The following HPSE2 variants were observed in gnomAD, a reference collection of about 807,000 sequenced individuals.
HPSE2 encodes the protein inactive heparanase-2.
Under a neutral mutation model 60.5 loss-of-function variants are expected in HPSE2, and 38 were observed. The observed-to-expected ratio is 0.63, with a 90% CI of 0.48 to 0.82. HPSE2 has a LOEUF of 0.82. HPSE2 is among the 40% of genes least tolerant of loss of function. HPSE2 has a pLI of 0.00. For missense variants in HPSE2, 713 were observed against 740.4 expected (o/e 0.96, Z 0.43); for synonymous variants, 295 against 293.2 (o/e 1.01, Z -0.06).
intron 9 of HPSE2, among the ~76,000 whole-genome samples, chr10:98,588,334 T>C (rs1944994150): frequency 6.6e-6 from 1 of 152,044 alleles, no homozygotes; most frequent in Non-Finnish European, 1.5e-5. Flanking sequence ...CCTACTAATT[T>C]TCAGGCCAGG....
chr10:98,611,229 G>T (rs1416001126), intron 9 of HPSE2, among the ~76,000 whole-genome samples: 1 of 152,086 alleles, frequency 6.6e-6, no homozygotes, highest in African/African-American at 2.4e-5. Flanking sequence ...AAGAACATGG[G>T]GTATATTTGA....
chr10:99,142,026 G>A (rs535976115), intron 3 of HPSE2, among the ~76,000 whole-genome samples: 1 of 152,296 alleles, frequency 6.6e-6, no homozygotes, highest in African/African-American at 2.4e-5. Context: ...ATCTCTTTCT[G>A]AGATTGCAGA....
rs576642783 is a variant in HPSE2 at position 98,693,961 on chromosome 10, A to G, written c.957-14T>C. ...ACCTTCATGAATCTGTAAGGAATAG[A>G]AAGAAAAAAGATATTACAACTTAGA... is the stretch of plus-strand genomic sequence containing the variant. On this transcript the variant is annotated splice_polypyrimidine_tract_variant and intron_variant, in intron 5 of 11. Transcript: ENST00000370552. The G allele has an allele frequency of 4.4e-6, 7 of 1,575,496 alleles. No individual in the cohort carries two copies. In the East Asian group the frequency reaches 1.6e-4, roughly 36 times the overall value.
At chr10:98,778,597 C>T (rs1589812464) in intron 3 of HPSE2, among the ~76,000 whole-genome samples, 1 of 152,064 alleles carries the variant, frequency 6.6e-6, no homozygotes, top group Admixed American at 6.6e-5. Flanking sequence ...TGGAAACTGT[C>T]AAGGGTGACT....
At chr10:99,058,819 T>C (rs1244826791) in intron 3 of HPSE2, among the ~76,000 whole-genome samples, 3 of 152,124 alleles carry the variant, frequency 2.0e-5, no homozygotes, top group Non-Finnish European at 2.9e-5. Flanking sequence ...TAGAGCTTAC[T>C]TGGAAATGGG....
chr10:98,600,938 T>TA (rs1945406009), intron 9 of HPSE2, among the ~76,000 whole-genome samples: 1 of 62,420 alleles, frequency 1.6e-5, no homozygotes, highest in Non-Finnish European at 3.8e-5. Flanking sequence ...TATATATATA[T>TA]ATAGAAAGAG....
At chr10:98,702,074 A>G (rs1355166426) in intron 5 of HPSE2, among the ~76,000 whole-genome samples, 1 of 152,194 alleles carries the variant, frequency 6.6e-6, no homozygotes, top group Non-Finnish European at 1.5e-5. Context: ...TCTCATGTGC[A>G]AAGACACACA....
chr10:98,851,492 C>A (rs1952172602), intron 3 of HPSE2, among the ~76,000 whole-genome samples: 1 of 152,196 alleles, frequency 6.6e-6, no homozygotes, highest in South Asian at 2.1e-4. Flanking sequence ...TAGCCACTTC[C>A]TGGATTCTTC....
At chr10:98,684,071 G>A (rs1445519101) in intron 6 of HPSE2, among the ~76,000 whole-genome samples, 1 of 152,182 alleles carries the variant, frequency 6.6e-6, no homozygotes, top group African/African-American at 2.4e-5. Flanking sequence ...GGGTCTCAAC[G>A]TGTTGACCTC....
the HPSE2 span, among the ~76,000 whole-genome samples, chr10:99,270,757 T>C: frequency 2.0e-5 from 3 of 152,206 alleles, no homozygotes; most frequent in East Asian, 5.8e-4. Flanking sequence ...GCTAACTGAA[T>C]CCAACAGTGT....
chr10:98,830,374 CA>C (rs1233100035), intron 3 of HPSE2, among the ~76,000 whole-genome samples: 2 of 152,130 alleles, frequency 1.3e-5, no homozygotes, highest in Non-Finnish European at 2.9e-5. Flanking sequence ...AGATAAGGAA[CA>C]GGACTTAACT....
In HPSE2 at chr10:98,490,079, T is replaced by C. The variant is rs897520170; in HGVS notation, c.1438A>G (p.Ile480Val). Residue 480 changes from isoleucine to valine, a missense_variant, in exon 10 of 12, where the codon ATT becomes GTT. Transcript: ENST00000370552. ...TGGTGGTTTGTGCAGTGAGCATAAATCCTTAGTTTGTCCCGGATCACTCGG... is the reference window on the plus strand; with the variant it reads ...TGGTGGTTTGTGCAGTGAGCATAAACCCTTAGTTTGTCCCGGATCACTCGG... ...PGRVIRDKLR[I>V]YAHCTNHHNH... is the part of the protein sequence containing the mutation. 1.9e-6 allele frequency: 3 copies of C among 1,614,212 alleles called. No individual in the cohort carries two copies. The Admixed American group carries it at 5.0e-5, about 27-fold the overall frequency.
At chr10:99,155,256 A>G (rs1256033919) in intron 2 of HPSE2, among the ~76,000 whole-genome samples, 3 of 143,934 alleles carry the variant, frequency 2.1e-5, no homozygotes, top group Non-Finnish European at 4.6e-5. Context: ...AGTGGACCTA[A>G]TAGACATCTA....
intron 9 of HPSE2, among the ~76,000 whole-genome samples, chr10:98,547,405 C>T (rs1176716068): frequency 1.3e-5 from 2 of 150,610 alleles, no homozygotes; most frequent in Non-Finnish European, 3.0e-5. Flanking sequence ...GGAACCAACC[C>T]AAATGTCCAA....
In HPSE2 at chr10:98,466,472, G is replaced by T. The variant is rs11189624; in HGVS notation, c.1614-6733C>A. ...ACTAAAAATACAAAAATTAACGGGC[G>T]TGGTGGTAGGTGCCTGTAATCCCAG... On this transcript the variant is annotated intron_variant, in intron 11 of 11. Coordinates refer to ENST00000370552, the MANE Select transcript of HPSE2 (RefSeq NM_021828.5). Among the ~76,000 whole-genome samples, 6 of 152,140 alleles carry T rather than the reference G, an allele frequency of 3.9e-5. No individual in the cohort carries two copies. In the East Asian group the frequency reaches 7.8e-4, roughly 20 times the overall value.
chr10:98,545,450 T>C (rs1474668362), intron 9 of HPSE2, among the ~76,000 whole-genome samples: 2 of 152,146 alleles, frequency 1.3e-5, no homozygotes, highest in Admixed American at 6.5e-5. Context: ...AAAAAGCTTA[T>C]CCACCATGAT....
intron 3 of HPSE2, chr10:99,013,138 C>T: frequency 1.5e-6 from 1 of 673,362 alleles, no homozygotes; most frequent in East Asian, 3.2e-5. Context: ...CATTCAAGTC[C>T]TTGGCACAAT....
At chr10:98,860,369 A>G (rs190405909) in intron 3 of HPSE2, among the ~76,000 whole-genome samples, 3 of 152,278 alleles carry the variant, frequency 2.0e-5, no homozygotes, top group Non-Finnish European at 1.5e-5. Context: ...ATCAGAACAT[A>G]CTTTTCAAAG....
At chr10:98,610,373 T>A (rs949050848) in intron 9 of HPSE2, among the ~76,000 whole-genome samples, 1 of 152,174 alleles carries the variant, frequency 6.6e-6, no homozygotes, top group Non-Finnish European at 1.5e-5. Flanking sequence ...CAGTAAGAGT[T>A]AGAGTTTCCT....
Sources: allele counts gnomAD v4.1 joint callset (sites outside exome capture counted in the v4.1 genomes callset), GRCh38; gene constraint gnomAD v4.1.1; transcripts MANE v1.5; gene names NCBI Gene and HGNC (gene_info 2026-07-23, HGNC 2026-07-21).